Variants in C4orf50 observed in about 807,000 individuals in gnomAD.
C4orf50 encodes the protein uncharacterized protein C4orf50.
In C4orf50, 80 loss-of-function variants were observed where a neutral mutation model predicts 77.2. The observed-to-expected ratio is 1.04, with a 90% CI of 0.87 to 1.25. C4orf50 has a LOEUF of 1.25. Among genes scored for constraint, C4orf50 ranks in the 50% most tolerant of loss-of-function variants. The probability of loss-of-function intolerance (pLI) is 0.00; values close to 1 mark genes in which losing one functional copy is unlikely to be tolerated. For synonymous variants in C4orf50, 532 were observed against 465.3 expected, an observed-to-expected ratio of 1.14 and a Z score of -1.84; for missense variants, 1,257 against 1,152.9, an observed-to-expected ratio of 1.09 and a Z score of -1.31.
At chr4:5,989,980 A>T in exon 28 of C4orf50, 1 of 1,409,114 alleles carries the variant, frequency 7.1e-7, no homozygotes, top group Non-Finnish European at 9.2e-7. Context: ...TTTCCCTGCG[A>T]GGAGCTGACT....
rs1717186486 is a variant in C4orf50 at position 5,919,838 on chromosome 4, GT to G, written c.*2475-21651del. The stretch of plus-strand genomic sequence containing the variant: ...CACCAGAATCAACTCTGAAATAGGG[GT>G]TTCTTCGGGCACAGGTGGCCCTCCC... On this transcript the variant is annotated intron_variant, in intron 7 of 7. Coordinates refer to the C4orf50 transcript ENST00000324058. The surrounding 1 kb of genome is among the most constrained non-coding windows in gnomAD (Gnocchi z 6.5). 6.6e-6 allele frequency among the ~76,000 whole-genome samples: 1 copy of G among 152,180 alleles called. No individual in the cohort carries two copies. The highest frequency in any genetic ancestry group is 2.4e-5 in the African/African-American group (1 of 41,442).
chr4:5,927,661 C>T (rs2108742574), intron 7 of C4orf50, among the ~76,000 whole-genome samples: 1 of 152,168 alleles, frequency 6.6e-6, no homozygotes, highest in Middle Eastern at 3.4e-3. Context: ...TTCTCTCCTA[C>T]AGCCATGTTA....
At chr4:5,976,616 C>T (rs536433324) in intron 29 of C4orf50, among the ~76,000 whole-genome samples, 6 of 152,290 alleles carry the variant, frequency 3.9e-5, no homozygotes, top group South Asian at 2.1e-4. Flanking sequence ...GTCCTAATCC[C>T]GGCTCAGCCA....
At position 5,958,031 on chromosome 4, in the gene C4orf50, CTTGT is replaced by C. The variant is rs1470975015; in HGVS notation, c.*1340_*1343del. The C allele has an allele frequency of 2.6e-5, 4 of 152,134 alleles. No individual in the cohort carries two copies. Among genetic ancestry groups the C allele is most frequent in the Non-Finnish European group, 5.9e-5 (4 of 68,018 alleles). The allele number at this position is 152,134 out of a possible 1,614,324, so 9.4% of individuals were successfully genotyped here. On this transcript the variant is annotated 3_prime_UTR_variant, in exon 34 of 34. Coordinates refer to ENST00000531445, the Ensembl canonical transcript of C4orf50. This position sits in a 1 kb window ranked among gnomAD's most constrained non-coding sequence, Gnocchi z 5.4. ...GAGCCGTCAGTTCCTTGTCCTTGTC[CTTGT>C]TTGTCCTTCCATGAAGGGACAGTCA...
exon 28 of C4orf50, chr4:5,989,242 T>G (rs1406004195): frequency 3.3e-5 from 50 of 1,535,904 alleles, no homozygotes; most frequent in Non-Finnish European, 4.2e-5. Context: ...GCTTCTCTGT[T>G]TCTTCAATCC....
chr4:5,988,608 T>C, exon 28 of C4orf50: 1 of 1,536,230 alleles, frequency 6.5e-7, no homozygotes, highest in Non-Finnish European at 8.7e-7. Flanking sequence ...GCCCACAGGC[T>C]CTTGAAAGCA....
chr4:5,939,350 A>G (rs1718168469), intron 7 of C4orf50, among the ~76,000 whole-genome samples: 1 of 152,132 alleles, frequency 6.6e-6, no homozygotes. Context: ...TCCCCTCTCC[A>G]TTAGTTTCCC....
intron 7 of C4orf50, among the ~76,000 whole-genome samples, chr4:5,907,061 T>A (rs918044320): frequency 3.3e-5 from 5 of 152,208 alleles, no homozygotes; most frequent in Non-Finnish European, 1.5e-5. Flanking sequence ...GGGGGGACTC[T>A]TATGTGTTAA....
At chr4:5,903,015 C>T (rs1716407207) in intron 7 of C4orf50, 1 of 152,212 alleles carries the variant, frequency 6.6e-6, no homozygotes, top group South Asian at 2.1e-4. Flanking sequence ...CCCTGGGCCT[C>T]TGCATTTTCA....
intron 31 of C4orf50, among the ~76,000 whole-genome samples, chr4:5,968,199 C>G (rs991906821): frequency 6.6e-6 from 1 of 152,218 alleles, no homozygotes; most frequent in African/African-American, 2.4e-5. Context: ...CTCTCTCTGT[C>G]TCTGGTGAAC....
At chr4:5,928,765 C>T (rs977300011) in intron 7 of C4orf50, among the ~76,000 whole-genome samples, 5 of 152,192 alleles carry the variant, frequency 3.3e-5, no homozygotes, top group South Asian at 4.1e-4. Flanking sequence ...ACATGTCAAA[C>T]GCTTTTTTAA....
In C4orf50 at chr4:6,000,404, T is replaced by C. The variant is rs1365135370; in HGVS notation, c.964-5928A>G. Among the ~76,000 whole-genome samples, 1 of 152,170 alleles carries C rather than the reference T, an allele frequency of 6.6e-6. No homozygotes were observed. Among genetic ancestry groups the C allele is most frequent in the East Asian group, 1.9e-4 (1 of 5,192 alleles). On this transcript the variant is annotated intron_variant, in intron 25 of 33. Transcript: ENST00000531445. This position sits in a 1 kb window ranked among gnomAD's most constrained non-coding sequence, Gnocchi z 6.0. ...CTGAGAGCTGGTGGCTGGCTAGCTC[T>C]TCACATTTCCCAGTGGCCCTCTCAG...
intron 7 of C4orf50, among the ~76,000 whole-genome samples, chr4:5,913,489 C>A (rs1208081311): frequency 6.6e-6 from 1 of 152,188 alleles, no homozygotes; most frequent in Non-Finnish European, 1.5e-5. Context: ...CCATGAGCTT[C>A]CTAATCACAT....
intron 7 of C4orf50, among the ~76,000 whole-genome samples, chr4:5,918,650 G>T (rs563071535): frequency 8.5e-5 from 13 of 152,290 alleles, no homozygotes; most frequent in African/African-American, 3.1e-4. Context: ...GTCTTAAGTG[G>T]GGCTTGTAAA....
Position 6,011,717 on chromosome 4 carries a change from C to G in C4orf50, c.426+113G>C. ...CGTAGGATCTCTCTAACCCTCCTGA[C>G]TGGGCTCTCCCAGGCCCACCCTGTA... On this transcript the variant is annotated intron_variant, in intron 24 of 33. Transcript: ENST00000531445. This position sits in a 1 kb window ranked among gnomAD's most constrained non-coding sequence, Gnocchi z 4.2. 1 of 398,226 alleles carries G rather than the reference C, an allele frequency of 2.5e-6. No individual in the cohort carries two copies. The highest frequency in any genetic ancestry group is 4.4e-6 in the Non-Finnish European group (1 of 226,030). 24.7% of individuals were successfully genotyped at this position (398,226 alleles called of 1,614,324 possible).
chr4:5,968,780 A>G (rs551776937), intron 31 of C4orf50, among the ~76,000 whole-genome samples: 2 of 152,238 alleles, frequency 1.3e-5, no homozygotes, highest in African/African-American at 4.8e-5. Flanking sequence ...TCCTCATTAG[A>G]CAGAGGCTCC....
exon 28 of C4orf50, chr4:5,988,401 G>T (rs199558768): frequency 3.3e-5 from 53 of 1,613,360 alleles, no homozygotes; most frequent in Admixed American, 2.3e-4. Flanking sequence ...CAGAACACCT[G>T]GGCCTCTTCT....
At position 6,009,917 on chromosome 4, in the gene C4orf50, G is replaced by A. The variant is rs1722419293; in HGVS notation, c.427-1385C>T. ...GTCTGGAAATGGGGTTTTGTGATGAGTCTTTCCCGGGAGCATACACAGCAC... is the reference window on the plus strand; with the variant it reads ...GTCTGGAAATGGGGTTTTGTGATGAATCTTTCCCGGGAGCATACACAGCAC... On this transcript the variant is annotated intron_variant, in intron 24 of 33. Transcript: ENST00000531445. This position sits in a 1 kb window ranked among gnomAD's most constrained non-coding sequence, Gnocchi z 5.6. Among the ~76,000 whole-genome samples the A allele has an allele frequency of 1.3e-5, 2 of 152,134 alleles. No individual in the cohort carries two copies. The highest frequency in any genetic ancestry group is 4.8e-5 in the African/African-American group (2 of 41,432).
Position 5,992,161 on chromosome 4 carries a change from G to C in C4orf50, c.1221+642C>G, listed in dbSNP as rs1577976157. ...GGGCGGTGAGGAGCGAGGCATATAG[G>C]GATGTGACATCCAACAACAAAAATA... On this transcript the variant is annotated intron_variant, in intron 27 of 33. Coordinates refer to ENST00000531445, the Ensembl canonical transcript of C4orf50. This position sits in a 1 kb window ranked among gnomAD's most constrained non-coding sequence, Gnocchi z 5.0. Among the ~76,000 whole-genome samples, 1 of 152,154 alleles carries C rather than the reference G, an allele frequency of 6.6e-6. No individual in the cohort carries two copies. Among genetic ancestry groups the C allele is most frequent in the Non-Finnish European group, 1.5e-5 (1 of 68,032 alleles).
Sources: gnomAD v4.1 joint callset for allele counts (sites outside exome capture counted in the v4.1 genomes callset) on GRCh38, gnomAD v4.1.1 for gene constraint, Gnocchi (gnomAD v3.1) non-coding constraint, MANE v1.5 for transcripts, NCBI Gene and HGNC (gene_info 2026-07-23, HGNC 2026-07-21) for gene names.